ELL: variants seen among roughly 807,000 people sequenced by gnomAD.
ELL encodes the protein RNA polymerase II elongation factor ELL.
Under a neutral mutation model 64.0 loss-of-function variants are expected in ELL, and 18 were observed. That is an observed-to-expected ratio of 0.28 (90% CI 0.19 to 0.42). The LOEUF (loss-of-function observed/expected upper bound fraction) is 0.42, where lower values mean the gene tolerates loss of function less well. Ranked by LOEUF, ELL falls within the 10% of genes least tolerant of loss-of-function variation. ELL has a pLI of 1.00. For missense variants in ELL, 797 were observed against 870.4 expected (o/e 0.92, Z 1.06); for synonymous variants, 399 against 376.2 (o/e 1.06, Z -0.70).
intron 1 of ELL, among the ~76,000 whole-genome samples, chr19:18,512,146 C>G (rs1469361912): frequency 7.0e-6 from 1 of 143,706 alleles, no homozygotes; most frequent in Non-Finnish European, 1.5e-5. Flanking sequence ...CAGAGTAAGA[C>G]TCCGTCTCAA....
At position 18,458,288 on chromosome 19, in the gene ELL, C is replaced by T. The variant is rs138119865; in HGVS notation, c.786G>A (p.Gln262=). The change falls in exon 6 of 12, where the codon CAG becomes CAA. Residue 262 remains glutamine, a synonymous_variant. Coordinates refer to ENST00000262809, the MANE Select transcript of ELL (RefSeq NM_006532.4). ...MSAKDGTCTL[Q]DCMYKDVQKD... is the part of the protein sequence containing the mutation. Reference sequence around the variant, plus strand: ...TCTGCACATCCTTGTACATGCAGTCCTGCAGTGTACACGTGCCGTCCTTAG... The same window carrying T: ...TCTGCACATCCTTGTACATGCAGTCTTGCAGTGTACACGTGCCGTCCTTAG... The T allele has an allele frequency of 1.5e-4, 250 of 1,613,478 alleles. 2 individuals are homozygous for T. In the African/African-American group the frequency reaches 2.1e-3, roughly 14 times the overall value.
In ELL at chr19:18,449,401, G is replaced by C. The variant is rs1045871606; in HGVS notation, c.1465+1076C>G. ...GGAGTAAGGCCACCTTCTCCCCGTC[G>C]GCCCCCACATGCAGTCCCACGGGAG... On this transcript the variant is annotated intron_variant, in intron 8 of 11. Transcript: ENST00000262809. The surrounding 1 kb of genome is among the most constrained non-coding windows in gnomAD (Gnocchi z 4.4). Among the ~76,000 whole-genome samples, 3 of 152,142 alleles carry C rather than the reference G, an allele frequency of 2.0e-5. No homozygotes were observed. The highest frequency in any genetic ancestry group is 6.5e-5 in the Admixed American group (1 of 15,302).
chr19:18,465,511 C>A lies in ELL; in HGVS notation c.370G>T (p.Asp124Tyr), dbSNP rs186027732. Reference sequence around the variant, plus strand: ...TGCCGCGCCTTCTGGTAGGAGTCGTCGGTGGCACACACCGTGATCTTGTCC... The same window carrying A: ...TGCCGCGCCTTCTGGTAGGAGTCGTAGGTGGCACACACCGTGATCTTGTCC... ...IQDKITVCAT[D>Y]DSYQKARQSM... Residue 124 changes from aspartate to tyrosine, a missense_variant, in exon 4 of 12, where the codon GAC becomes TAC. Asp to Tyr is a radical substitution (Grantham distance 160). Transcript: ENST00000262809. The A allele has an allele frequency of 6.2e-7, 1 of 1,612,928 alleles. No homozygotes were observed. The highest frequency in any genetic ancestry group is 8.5e-7 in the Non-Finnish European group (1 of 1,179,160).
chr19:18,456,121 AC>A (rs1974669834), intron 6 of ELL, among the ~76,000 whole-genome samples: 1 of 152,058 alleles, frequency 6.6e-6, no homozygotes, highest in Admixed American at 6.5e-5. Context: ...AGAGATGAAA[AC>A]CAGGAAGAGG....
chr19:18,466,158 G>A (rs760849394), intron 2 of ELL, among the ~76,000 whole-genome samples: 39 of 152,328 alleles, frequency 2.6e-4, no homozygotes, highest in Non-Finnish European at 3.8e-4. Flanking sequence ...GCCAGGGGCC[G>A]TTTTCAGCAG....
At chr19:18,459,606 G>A (rs982112669) in intron 5 of ELL, among the ~76,000 whole-genome samples, 1 of 147,032 alleles carries the variant, frequency 6.8e-6, no homozygotes, top group African/African-American at 2.5e-5. Flanking sequence ...TGCAAGCTCC[G>A]CCTCCCGGGT....
chr19:18,503,721 T>C (rs1975827521), intron 1 of ELL, among the ~76,000 whole-genome samples: 1 of 152,070 alleles, frequency 6.6e-6, no homozygotes, highest in African/African-American at 2.4e-5. Flanking sequence ...GAGTGGAGAA[T>C]GGGCTGTTCC....
At chr19:18,484,280 G>A (rs748006118) in intron 1 of ELL, among the ~76,000 whole-genome samples, 3 of 152,234 alleles carry the variant, frequency 2.0e-5, no homozygotes, top group African/African-American at 2.4e-5. Context: ...CCTGGCCAAC[G>A]TGGTGAAACC....
intron 1 of ELL, among the ~76,000 whole-genome samples, chr19:18,497,815 C>CAAAA (rs58521941): frequency 2.8e-4 from 15 of 54,210 alleles, no homozygotes; most frequent in African/African-American, 5.3e-4. Context: ...GATCTCATCT[C>CAAAA]AAAAAAAAAA....
chr19:18,452,442 A>C (rs1974560554), intron 6 of ELL, among the ~76,000 whole-genome samples: 1 of 152,212 alleles, frequency 6.6e-6, no homozygotes, highest in South Asian at 2.1e-4. Context: ...ACATAAACAG[A>C]ACTCCCAGTT....
At chr19:18,513,195 C>T (rs1976063794) in intron 1 of ELL, among the ~76,000 whole-genome samples, 1 of 152,188 alleles carries the variant, frequency 6.6e-6, no homozygotes, top group African/African-American at 2.4e-5. Context: ...CTCACAGACA[C>T]ATGGGCATGC....
chr19:18,471,135 G>A (rs908391038), intron 2 of ELL: 11 of 379,284 alleles, frequency 2.9e-5, no homozygotes, highest in Non-Finnish European at 5.7e-5. Context: ...CACTTTGGGA[G>A]GCCAAGGTGG....
At chr19:18,465,265 G>C in intron 4 of ELL, 147 bp downstream of exon 4, 2 of 1,177,540 alleles carry the variant, frequency 1.7e-6, no homozygotes, top group Non-Finnish European at 2.3e-6. Flanking sequence ...TCTGGTCCAG[G>C]CACGTCCTGC....
chr19:18,507,621 A>G (rs1975910102), intron 1 of ELL, among the ~76,000 whole-genome samples: 2 of 152,062 alleles, frequency 1.3e-5, no homozygotes, highest in Non-Finnish European at 2.9e-5. Flanking sequence ...TTTATGGTGC[A>G]CCTCCCCGCT....
chr19:18,472,886 T>TAAAAA lies in ELL; in HGVS notation c.136-9_136-5dup, dbSNP rs748950436. 294 of 1,217,862 alleles carry TAAAAA rather than the reference T, an allele frequency of 2.4e-4. No individual in the cohort carries two copies. The highest frequency in any genetic ancestry group is 1.0e-3 in the South Asian group (56 of 55,654). The allele number at this position is 1,217,862 out of a possible 1,614,324, so 75.4% of individuals were successfully genotyped here. ...ATGGCCTCAGTGAAACAGAATCCTA[T>TAAAAA]AAAAAAAAAAAAAAAAAAAAAAAGG... On this transcript the variant is annotated splice_region_variant and splice_polypyrimidine_tract_variant and intron_variant, in intron 1 of 11. Coordinates refer to ENST00000262809, the MANE Select transcript of ELL (RefSeq NM_006532.4).
At chr19:18,493,034 C>T (rs1335983921) in intron 1 of ELL, among the ~76,000 whole-genome samples, 2 of 152,068 alleles carry the variant, frequency 1.3e-5, no homozygotes, top group Non-Finnish European at 2.9e-5. Flanking sequence ...ACCTGCTGCT[C>T]CTAATCCCCA....
At chr19:18,466,622 C>A (rs1196581431) in intron 2 of ELL, among the ~76,000 whole-genome samples, 2 of 152,234 alleles carry the variant, frequency 1.3e-5, no homozygotes, top group Non-Finnish European at 2.9e-5. Context: ...GATGGACGGA[C>A]TGCGCTGGTC....
chr19:18,517,085 C>T (rs1367371588), intron 1 of ELL, among the ~76,000 whole-genome samples: 1 of 152,078 alleles, frequency 6.6e-6, no homozygotes, highest in Non-Finnish European at 1.5e-5. Flanking sequence ...AACCCAAGTG[C>T]CCCTGGGAGG....
At chr19:18,457,744 T>C (rs1247848922) in intron 6 of ELL, among the ~76,000 whole-genome samples, 2 of 152,200 alleles carry the variant, frequency 1.3e-5, no homozygotes, top group Non-Finnish European at 2.9e-5. Context: ...AGGGGATGCA[T>C]TTAATTAACG....
Sources: gnomAD v4.1 joint callset for allele counts (sites outside exome capture counted in the v4.1 genomes callset) on GRCh38, gnomAD v4.1.1 for gene constraint, Gnocchi (gnomAD v3.1) non-coding constraint, MANE v1.5 for transcripts, NCBI Gene and HGNC (gene_info 2026-07-23, HGNC 2026-07-21) for gene names.